PRKCB: variants seen among roughly 807,000 people sequenced by gnomAD.
PRKCB encodes the protein protein kinase C beta.
In PRKCB, 13 loss-of-function variants were observed where a neutral mutation model predicts 81.5. That is an observed-to-expected ratio of 0.16 (90% CI 0.10 to 0.25). The LOEUF (loss-of-function observed/expected upper bound fraction) is 0.25, where lower values mean the gene tolerates loss of function less well. Ranked by LOEUF, PRKCB falls within the 10% of genes least tolerant of loss-of-function variation. The probability of loss-of-function intolerance (pLI) is 1.00; values close to 1 mark genes in which losing one functional copy is unlikely to be tolerated. For synonymous variants in PRKCB, 335 were observed against 321.4 expected (o/e 1.04, Z -0.45); for missense variants, 509 against 875.7 (o/e 0.58, Z 5.29).
rs193176298 is a variant in PRKCB at position 24,028,509 on chromosome 16, C to T, written c.289-3627C>T. On this transcript the variant is annotated intron_variant, in intron 3 of 16. Coordinates refer to ENST00000643927, the MANE Select transcript of PRKCB (RefSeq NM_002738.7). ...TTTTTAGTTAATTCCCTATCCACCT[C>T]CAACCCCTTTTAACCACTGATGTTT... Among the ~76,000 whole-genome samples, 589 of 152,380 alleles carry T rather than the reference C, an allele frequency of 3.9e-3. 4 individuals are homozygous for T. The highest frequency in any genetic ancestry group is 6.5e-3 in the Non-Finnish European group (444 of 68,038).
intron 3 of PRKCB, among the ~76,000 whole-genome samples, chr16:24,000,720 A>T (rs1965022260): frequency 6.6e-6 from 1 of 152,174 alleles, no homozygotes. Context: ...CATAATCAAG[A>T]ATGTACTGAC....
intron 2 of PRKCB, among the ~76,000 whole-genome samples, chr16:23,889,703 T>G (rs981425375): frequency 6.6e-6 from 1 of 152,236 alleles, no homozygotes; most frequent in Non-Finnish European, 1.5e-5. Flanking sequence ...TTATGGCTGC[T>G]CTATCAACTT....
chr16:24,034,282 C>A (rs559943189), intron 4 of PRKCB, among the ~76,000 whole-genome samples: 1 of 152,304 alleles, frequency 6.6e-6, no homozygotes, highest in South Asian at 2.1e-4. Flanking sequence ...TGTAATAGGC[C>A]TGCTGCCTCC....
chr16:24,067,167 A>G (rs9938988), intron 5 of PRKCB, among the ~76,000 whole-genome samples: 2,492 of 152,062 alleles, frequency 0.016, 70 homozygotes, highest in African/African-American at 0.056. Flanking sequence ...CTTTTTTGTA[A>G]CCAATAGTTC....
At chr16:23,991,699 C>T (rs1018484269) in intron 3 of PRKCB, among the ~76,000 whole-genome samples, 1 of 152,218 alleles carries the variant, frequency 6.6e-6, no homozygotes, top group African/African-American at 2.4e-5. Context: ...TGTTTCTCCC[C>T]TTCTTGGCTT....
In PRKCB at chr16:23,999,309, G is replaced by T. The variant is rs541069704; in HGVS notation, c.288+10719G>T. Among the ~76,000 whole-genome samples, 5 of 152,342 alleles carry T rather than the reference G, an allele frequency of 3.3e-5. No individual in the cohort carries two copies. In the East Asian group the frequency reaches 5.8e-4, roughly 18 times the overall value. ...AGGCTCCATCCACGATAAAGGATGT[G>T]CTTGGTTGCATCCTCTACCCTCTGC... On this transcript the variant is annotated intron_variant, in intron 3 of 16. Transcript: ENST00000643927.
chr16:23,981,583 T>TTC lies in PRKCB; in HGVS notation c.206-6925_206-6924insTC, dbSNP rs1491059298. Among the ~76,000 whole-genome samples, 524 of 150,166 alleles carry TTC rather than the reference T, an allele frequency of 3.5e-3. 2 individuals are homozygous for TTC. Among genetic ancestry groups the TTC allele is most frequent in the Non-Finnish European group, 5.9e-3 (401 of 67,678 alleles). ...CTTTCTTCTTTCCTTTCTTTTCCTT[T>TTC]CCTTTCCTTCCCTTCCCTTCCCTTT... On this transcript the variant is annotated intron_variant, in intron 2 of 16. Transcript: ENST00000643927.
At chr16:24,183,970 A>T (rs549704097) in intron 13 of PRKCB, among the ~76,000 whole-genome samples, 4 of 152,316 alleles carry the variant, frequency 2.6e-5, no homozygotes, top group African/African-American at 9.6e-5. Context: ...CCAATTCTAC[A>T]TCTAGGAGTT....
intron 16 of PRKCB, among the ~76,000 whole-genome samples, chr16:24,194,114 G>C (rs1967841429): frequency 6.6e-6 from 1 of 152,036 alleles, no homozygotes; most frequent in African/African-American, 2.4e-5. Context: ...ATCACCTGAG[G>C]TCAGGAGTTC....
chr16:24,134,402 C>T (rs1245888728), intron 9 of PRKCB, among the ~76,000 whole-genome samples: 3 of 151,954 alleles, frequency 2.0e-5, no homozygotes, highest in Non-Finnish European at 4.4e-5. Flanking sequence ...TCAAGACCAG[C>T]CCAGCCTGAG....
At chr16:23,981,369 C>T (rs959213058) in intron 2 of PRKCB, among the ~76,000 whole-genome samples, 12 of 152,090 alleles carry the variant, frequency 7.9e-5, no homozygotes, top group Admixed American at 7.2e-4. Context: ...ACACTGGGCT[C>T]ATCCAGATAA....
intron 2 of PRKCB, among the ~76,000 whole-genome samples, chr16:23,912,507 CTTTTTTTTTTTTTTT>C (rs1210105406): frequency 1.4e-5 from 1 of 72,078 alleles, no homozygotes; most frequent in Non-Finnish European, 2.4e-5. Flanking sequence ...TTTCTTTCTT[CTTTTTTTTTTTTTTT>C]TTTTTTTTGA....
intron 2 of PRKCB, among the ~76,000 whole-genome samples, chr16:23,974,254 C>G (rs190929539): frequency 1.3e-5 from 2 of 152,156 alleles, no homozygotes; most frequent in African/African-American, 4.8e-5. Flanking sequence ...TTCTGTTCAT[C>G]TGAATGGTGG....
At chr16:23,956,995 A>AAG (rs1299450717) in intron 2 of PRKCB, among the ~76,000 whole-genome samples, 1 of 151,074 alleles carries the variant, frequency 6.6e-6, no homozygotes, top group East Asian at 1.9e-4. Flanking sequence ...AAAAAAAAAA[A>AAG]AAAAAAAAAA....
chr16:24,066,791 T>A (rs1966040768), intron 5 of PRKCB, among the ~76,000 whole-genome samples: 2 of 152,246 alleles, frequency 1.3e-5, no homozygotes, highest in Admixed American at 6.5e-5. Context: ...GTCAAGTATC[T>A]GGTAGAATGT....
intron 7 of PRKCB, among the ~76,000 whole-genome samples, chr16:24,096,665 AAATATAT>A (rs1291513946): frequency 2.6e-3 from 104 of 39,274 alleles, no homozygotes; most frequent in Non-Finnish European, 4.5e-3. Context: ...AAAAAAAAAA[AAATATAT>A]ATATATATAT....
At chr16:23,923,069 T>C (rs1302501749) in intron 2 of PRKCB, among the ~76,000 whole-genome samples, 1 of 152,162 alleles carries the variant, frequency 6.6e-6, no homozygotes, top group Non-Finnish European at 1.5e-5. Context: ...AATTTCAGGT[T>C]GGGACAGAAC....
At chr16:24,132,348 A>G (rs192903060) in intron 9 of PRKCB, among the ~76,000 whole-genome samples, 161 of 152,360 alleles carry the variant, frequency 1.1e-3, no homozygotes, top group African/African-American at 3.8e-3. Context: ...GGCAGAAGTC[A>G]TCACCTTTAC....
chr16:24,041,985 GAA>G (rs111410896), intron 5 of PRKCB, among the ~76,000 whole-genome samples: 21 of 104,446 alleles, frequency 2.0e-4, no homozygotes, highest in African/African-American at 3.6e-4. Context: ...CTCCATCTTG[GAA>G]AAAAAAAAAA....
Sources: allele counts gnomAD v4.1 joint callset (sites outside exome capture counted in the v4.1 genomes callset), GRCh38; gene constraint gnomAD v4.1.1; transcripts MANE v1.5; gene names NCBI Gene and HGNC (gene_info 2026-07-23, HGNC 2026-07-21).